MAST4: variants seen among roughly 807,000 people sequenced by gnomAD.
MAST4 encodes microtubule-associated serine/threonine-protein kinase 4.
In MAST4, 89 loss-of-function variants were observed where a neutral mutation model predicts 162.7. The observed-to-expected ratio is 0.55, with a 90% confidence interval of 0.46 to 0.65. The LOEUF is 0.65. Among genes scored for constraint, MAST4 ranks in the 30% least tolerant of loss-of-function variants. MAST4 has a pLI of 0.00. For missense variants in MAST4, 3,153 were observed against 3,374.0 expected, an observed-to-expected ratio of 0.93 and a Z score of 1.62; for synonymous variants, 1,479 against 1,361.1, an observed-to-expected ratio of 1.09 and a Z score of -1.91.
chr5:66,751,477 T>C (rs947994035), intron 1 of MAST4, among the ~76,000 whole-genome samples: 17 of 152,090 alleles, frequency 1.1e-4, no homozygotes, highest in African/African-American at 3.6e-4. Context: ...AAACCAAGGC[T>C]CGAGAACTAT....
intron 1 of MAST4, among the ~76,000 whole-genome samples, chr5:66,721,974 A>G (rs1751239123): frequency 6.6e-6 from 1 of 151,912 alleles, no homozygotes; most frequent in Non-Finnish European, 1.5e-5. Context: ...CACTGCTGCT[A>G]CCCTGGTCTA....
chr5:66,616,012 T>C lies in MAST4; in HGVS notation c.363+18994T>C, dbSNP rs577518955. Among the ~76,000 whole-genome samples the C allele has an allele frequency of 7.9e-5, 12 of 152,370 alleles. No individual in the cohort carries two copies. In the East Asian group the frequency reaches 2.1e-3, roughly 27 times the overall value. ...TCCCCTTTCCAGTCTGCCAGCTACA[T>C]GAGAGCAGAGCCCTTGCTTGTCTTA... On this transcript the variant is annotated intron_variant, in intron 1 of 28. Coordinates refer to ENST00000403625, the MANE Select transcript of MAST4 (RefSeq NM_001164664.2).
At chr5:66,672,675 T>G (rs922995429) in intron 1 of MAST4, among the ~76,000 whole-genome samples, 1 of 152,142 alleles carries the variant, frequency 6.6e-6, no homozygotes, top group African/African-American at 2.4e-5. Context: ...CCACTGCAGT[T>G]TACTAACCAC....
chr5:67,062,048 G>A (rs1027833389), intron 5 of MAST4, among the ~76,000 whole-genome samples: 3 of 152,140 alleles, frequency 2.0e-5, no homozygotes, highest in Admixed American at 2.0e-4. Flanking sequence ...TTGCTGGTGA[G>A]AACAATTTAG....
intron 1 of MAST4, among the ~76,000 whole-genome samples, chr5:66,719,212 C>T (rs1751044878): frequency 6.6e-6 from 1 of 152,208 alleles, no homozygotes; most frequent in Admixed American, 6.5e-5. Context: ...TTGGGTACCT[C>T]CTCTTGTTTG....
intron 3 of MAST4, among the ~76,000 whole-genome samples, chr5:66,825,115 A>C (rs1237994607): frequency 6.6e-6 from 1 of 152,164 alleles, no homozygotes; most frequent in Non-Finnish European, 1.5e-5. Flanking sequence ...TAGACTTTTT[A>C]ATTTTAAAAA....
At chr5:66,880,141 T>C (rs979164068) in intron 3 of MAST4, among the ~76,000 whole-genome samples, 4 of 152,194 alleles carry the variant, frequency 2.6e-5, no homozygotes, top group Non-Finnish European at 5.9e-5. Flanking sequence ...TAAAAGAATC[T>C]CCTGATCAGA....
intron 3 of MAST4, among the ~76,000 whole-genome samples, chr5:66,848,450 T>A (rs184795121): frequency 9.8e-5 from 15 of 152,304 alleles, no homozygotes; most frequent in African/African-American, 3.6e-4. Context: ...CAGGTTGTTT[T>A]TTTTGTTTGT....
intron 5 of MAST4, among the ~76,000 whole-genome samples, chr5:67,085,563 C>T (rs1208143154): frequency 6.6e-6 from 1 of 152,108 alleles, no homozygotes; most frequent in Non-Finnish European, 1.5e-5. Context: ...ATTCAGGGAG[C>T]CCAGATTATA....
chr5:66,708,648 A>G (rs1339052499), intron 1 of MAST4, among the ~76,000 whole-genome samples: 1 of 152,170 alleles, frequency 6.6e-6, no homozygotes, highest in Admixed American at 6.5e-5. Flanking sequence ...AGCACCAAGC[A>G]TTCATTTTCC....
chr5:67,118,542 T>A, intron 12 of MAST4, 140 bp from the exon 13 acceptor site: 1 of 601,174 alleles, frequency 1.7e-6, no homozygotes, highest in Non-Finnish European at 2.9e-6. Flanking sequence ...TTTTTAGATT[T>A]AAGATTTTCC....
At chr5:66,787,355 TA>T (rs1232303874) in intron 2 of MAST4, among the ~76,000 whole-genome samples, 2 of 152,166 alleles carry the variant, frequency 1.3e-5, no homozygotes, top group Non-Finnish European at 2.9e-5. Context: ...CACTCTATAA[TA>T]AAAGAGTGAA....
chr5:66,984,928 A>C (rs1581108334), intron 4 of MAST4, among the ~76,000 whole-genome samples: 1 of 152,160 alleles, frequency 6.6e-6, no homozygotes. Context: ...TTTGTGTTGA[A>C]TTTGAGATCT....
intron 4 of MAST4, among the ~76,000 whole-genome samples, chr5:66,966,794 G>C (rs1412654862): frequency 1.3e-5 from 2 of 152,194 alleles, no homozygotes; most frequent in Non-Finnish European, 2.9e-5. Flanking sequence ...AAATAAAGGT[G>C]CCCCATAGCA....
chr5:66,800,715 T>C (rs750578932), intron 3 of MAST4, among the ~76,000 whole-genome samples: 2 of 152,080 alleles, frequency 1.3e-5, no homozygotes, highest in South Asian at 4.1e-4. Context: ...ACTACATAAA[T>C]AAATAAAAAG....
intron 4 of MAST4, among the ~76,000 whole-genome samples, chr5:66,966,182 T>C (rs1430207330): frequency 6.6e-6 from 1 of 152,210 alleles, no homozygotes; most frequent in East Asian, 1.9e-4. Context: ...CTCAAATCTT[T>C]CCACTGTGAC....
chr5:66,751,051 G>A (rs142689967), intron 1 of MAST4, among the ~76,000 whole-genome samples: 9 of 151,340 alleles, frequency 5.9e-5, no homozygotes, highest in East Asian at 1.9e-4. Context: ...CATCTCACAC[G>A]GCAGGGTATT....
At chr5:67,019,764 A>T (rs1025996140) in intron 4 of MAST4, among the ~76,000 whole-genome samples, 4 of 152,204 alleles carry the variant, frequency 2.6e-5, no homozygotes, top group Non-Finnish European at 1.5e-5. Flanking sequence ...ATATATGGAC[A>T]TCTAAGTTCT....
intron 4 of MAST4, chr5:66,963,914 G>A (rs1746330316): frequency 2.7e-6 from 2 of 750,054 alleles, no homozygotes; most frequent in Non-Finnish European, 5.0e-6. Flanking sequence ...TGGTTGAATT[G>A]TTTACTTGGT....
Sources: gnomAD v4.1 joint callset for allele counts (sites outside exome capture counted in the v4.1 genomes callset) on GRCh38, gnomAD v4.1.1 for gene constraint, MANE v1.5 for transcripts, NCBI Gene and HGNC (gene_info 2026-07-23, HGNC 2026-07-21) for gene names.